The following DENND4A variants were observed in gnomAD, a reference collection of about 807,000 sequenced individuals.
The protein encoded by DENND4A is C-myc promoter-binding protein.
In DENND4A, 70 loss-of-function variants were observed where a neutral mutation model predicts 199.3. That is an observed-to-expected ratio of 0.35 (90% CI 0.29 to 0.43). The LOEUF (loss-of-function observed/expected upper bound fraction) is 0.43. Among genes scored for constraint, DENND4A ranks in the 20% least tolerant of loss-of-function variants. The pLI is 1.00. For missense variants in DENND4A, 1,723 were observed against 2,255.8 expected (o/e 0.76, Z 4.78); for synonymous variants, 686 against 766.9 (o/e 0.89, Z 1.74).
At chr15:65,789,273 A>G (rs935129646) in intron 1 of DENND4A, among the ~76,000 whole-genome samples, 1 of 152,102 alleles carries the variant, frequency 6.6e-6, no homozygotes, top group African/African-American at 2.4e-5. Context: ...TGCAGTCTCA[A>G]ACTCCTGGGC....
chr15:65,704,707 C>T (rs1015530608), intron 15 of DENND4A, among the ~76,000 whole-genome samples: 14 of 152,132 alleles, frequency 9.2e-5, no homozygotes, highest in Admixed American at 8.5e-4. Flanking sequence ...TGTCCTGCCT[C>T]GGCCTCCCAA....
At chr15:65,690,353 C>T in intron 23 of DENND4A, 62 bp downstream of exon 23, 2 of 1,476,140 alleles carry the variant, frequency 1.4e-6, no homozygotes, top group Non-Finnish European at 1.8e-6. Context: ...GAGTAAGGGG[C>T]TTTTGGTGGT....
intron 7 of DENND4A, among the ~76,000 whole-genome samples, chr15:65,737,505 C>T (rs565808302): frequency 6.6e-6 from 1 of 152,244 alleles, no homozygotes; most frequent in South Asian, 2.1e-4. Context: ...ACATTAATTT[C>T]ATCTCACTGG....
Position 65,701,941 on chromosome 15 carries a change from T to C in DENND4A, c.2431-51A>G, listed in dbSNP as rs2074884897. On this transcript the variant is annotated intron_variant, in intron 17 of 32. Transcript: ENST00000443035. ...CGAAACACAGATGTCACCATGTACA[T>C]AAATCTAGAATAAAATAATGCATTT... is the stretch of plus-strand genomic sequence containing the variant. 75 of 1,607,422 alleles carry C rather than the reference T, an allele frequency of 4.7e-5. No homozygotes were observed. The South Asian group carries it at 7.8e-4, about 17-fold the overall frequency.
At position 65,789,802 on chromosome 15, in the gene DENND4A, C is replaced by T. The variant is rs147421435; in HGVS notation, c.-102+2208G>A. ...ATGCTTTGAAAAATTCTGCAAACAA[C>T]AAAATATAATGTAACTAATATCACT... On this transcript the variant is annotated intron_variant, in intron 1 of 32. Transcript: ENST00000443035. 3.3e-5 allele frequency among the ~76,000 whole-genome samples: 5 copies of T among 152,268 alleles called. No homozygotes were observed. The East Asian group carries it at 9.6e-4, about 29-fold the overall frequency.
At chr15:65,699,863 G>C (rs2077288511) in intron 20 of DENND4A, among the ~76,000 whole-genome samples, 1 of 151,462 alleles carries the variant, frequency 6.6e-6, no homozygotes, top group Admixed American at 6.6e-5. Context: ...TATTTTTGTA[G>C]AGACAGGGTT....
rs2076154788 is a variant in DENND4A, at chr15:65,737,743, T to C, written c.1004A>G (p.Tyr335Cys). 1 of 1,584,848 alleles carries C rather than the reference T, an allele frequency of 6.3e-7. No individual in the cohort carries two copies. The highest frequency in any genetic ancestry group is 8.6e-7 in the Non-Finnish European group (1 of 1,164,928). Residue 335 changes from tyrosine (Y) to cysteine (C), a missense_variant, in exon 7 of 33, where the codon TAT becomes TGT. Physicochemically the swap from Tyr to Cys is radical, Grantham distance 194 (BLOSUM62 -2). Coordinates refer to ENST00000443035, the MANE Select transcript of DENND4A (RefSeq NM_001320835.1). ...AAGGACATGAGGCCCAGAGATGGAA[T>C]AACGATACAGAAAAGTCAGAAACTT... ...FRKFLTFLYR[Y>C]SISGPHVLPI...
chr15:65,665,118 CA>C, intron 30 of DENND4A: 1 of 463,626 alleles, frequency 2.2e-6, no homozygotes. Context: ...CTCAAAAAAC[CA>C]AACCAAAACA....
intron 24 of DENND4A, among the ~76,000 whole-genome samples, chr15:65,674,183 A>G (rs2076299637): frequency 6.6e-6 from 1 of 152,176 alleles, no homozygotes; most frequent in Non-Finnish European, 1.5e-5. Context: ...AACCATGAAA[A>G]TTTGAAACTA....
chr15:65,663,688 A>G (rs1320794637), intron 32 of DENND4A, among the ~76,000 whole-genome samples: 1 of 152,022 alleles, frequency 6.6e-6, no homozygotes, highest in Admixed American at 6.6e-5. Context: ...CTTGCTCTAC[A>G]GCCCAAGCTG....
At chr15:65,664,931 A>G (rs1465829907) in intron 30 of DENND4A, 1 of 505,738 alleles carries the variant, frequency 2.0e-6, no homozygotes, top group Non-Finnish European at 3.4e-6. Context: ...GGTCTTAAAT[A>G]GACAATAACT....
intron 24 of DENND4A, among the ~76,000 whole-genome samples, chr15:65,676,162 A>ATATATATATATATATATATACC (rs1346990602): frequency 2.0e-5 from 3 of 146,524 alleles, no homozygotes; most frequent in African/African-American, 7.4e-5. Flanking sequence ...ATATATATAT[A>ATATATATATATATATATATACC]TATACCTATA....
chr15:65,714,281 C>T (rs377628839), intron 14 of DENND4A, among the ~76,000 whole-genome samples: 5 of 151,924 alleles, frequency 3.3e-5, no homozygotes, highest in African/African-American at 4.8e-5. Context: ...GGCATGGTGG[C>T]GGGTGCCTGT....
At chr15:65,776,089 G>A (rs184393545) in intron 1 of DENND4A, among the ~76,000 whole-genome samples, 193 of 152,112 alleles carry the variant, frequency 1.3e-3, no homozygotes, top group African/African-American at 4.4e-3. Flanking sequence ...TCTCTACTAT[G>A]ATTATCCCAT....
At chr15:65,729,412 T>G in intron 10 of DENND4A, 122 bp downstream of exon 10, 1 of 1,446,588 alleles carries the variant, frequency 6.9e-7, no homozygotes, top group Non-Finnish European at 9.4e-7. Context: ...AAAACTGCTT[T>G]CAAAAAACAC....
chr15:65,697,118 T>C (rs773967329), intron 21 of DENND4A, 149 bp downstream of exon 21: 3 of 578,120 alleles, frequency 5.2e-6, no homozygotes, highest in Non-Finnish European at 9.1e-6. Flanking sequence ...TATGAGAGTA[T>C]GTGGTGGCTG....
intron 17 of DENND4A, 116 bp from the exon 18 acceptor site, chr15:65,702,006 T>C: frequency 7.1e-7 from 1 of 1,415,618 alleles, no homozygotes; most frequent in African/African-American, 1.4e-5. Flanking sequence ...CTCATGCCTG[T>C]AATTCCAACA....
chr15:65,744,627 A>G (rs2076341976), intron 4 of DENND4A, among the ~76,000 whole-genome samples: 1 of 152,082 alleles, frequency 6.6e-6, no homozygotes, highest in Non-Finnish European at 1.5e-5. Context: ...GGTGTATTAT[A>G]TATTTTCTTA....
intron 2 of DENND4A, among the ~76,000 whole-genome samples, chr15:65,760,067 T>C (rs914312356): frequency 6.6e-6 from 1 of 152,256 alleles, no homozygotes. Context: ...TGTGCTTTCG[T>C]GTGTACATGA....
Sources: gnomAD v4.1 joint callset for allele counts (sites outside exome capture counted in the v4.1 genomes callset) on GRCh38, gnomAD v4.1.1 for gene constraint, MANE v1.5 for transcripts, NCBI Gene and HGNC (gene_info 2026-07-23, HGNC 2026-07-21) for gene names.